Variants in SLC35D2 observed in about 807,000 individuals in gnomAD.
SLC35D2 encodes solute carrier family 35 member D2.
SLC35D2 carries 43 observed loss-of-function variants against 41.8 expected under a neutral mutation model. That is an observed-to-expected ratio of 1.03 (90% CI 0.81 to 1.33). The LOEUF is 1.33. SLC35D2 is among the 40% of genes most tolerant of loss of function. SLC35D2 has a pLI of 0.00. For synonymous variants in SLC35D2, 150 were observed against 163.9 expected (o/e 0.92, Z 0.65); for missense variants, 380 against 408.4 (o/e 0.93, Z 0.60).
In SLC35D2 at chr9:96,321,225, A is replaced by G. The variant is rs1828205822; in HGVS notation, c.*17T>C. On this transcript the variant is annotated 3_prime_UTR_variant, in exon 12 of 12. Coordinates refer to ENST00000253270, the MANE Select transcript of SLC35D2 (RefSeq NM_007001.3). The stretch of plus-strand genomic sequence containing the variant: ...GCCCGCAGTCACAAGTCAGTCTCCA[A>G]TCCTGCTGCAGACTCTTTAGCTCTT... The G allele has an allele frequency of 1.3e-6, 2 of 1,585,816 alleles. No individual in the cohort carries two copies. The highest frequency in any genetic ancestry group is 2.2e-5 in the South Asian group (2 of 90,078).
At chr9:96,315,884 T>C (rs536695346), downstream of SLC35D2, among the ~76,000 whole-genome samples, 1 of 152,322 alleles carries the variant, frequency 6.6e-6, no homozygotes, top group African/African-American at 2.4e-5. Context: ...ATTTTTAATG[T>C]GATGTACTGA....
At chr9:96,322,101 T>C (rs1302215566) in intron 10 of SLC35D2, 21 bp from the exon 11 acceptor site, 5 of 1,464,596 alleles carry the variant, frequency 3.4e-6, no homozygotes, top group Non-Finnish European at 4.7e-6. Context: ...AGAGAGAGGA[T>C]TCGTCATTTT....
At chr9:96,339,907 C>T (rs1032635264) in intron 8 of SLC35D2, among the ~76,000 whole-genome samples, 9 of 152,166 alleles carry the variant, frequency 5.9e-5, no homozygotes, top group African/African-American at 2.2e-4. Context: ...CACACATTTA[C>T]CACAATCTCT....
chr9:96,372,244 T>C (rs1197027727), intron 1 of SLC35D2, among the ~76,000 whole-genome samples: 1 of 152,200 alleles, frequency 6.6e-6, no homozygotes, highest in Non-Finnish European at 1.5e-5. Context: ...GATAAGTTAA[T>C]TGAGACTTCA....
At chr9:96,315,268 C>A (rs553769870) in intron 11 of SLC35D2, among the ~76,000 whole-genome samples, 1 of 141,812 alleles carries the variant, frequency 7.1e-6, no homozygotes, top group East Asian at 2.1e-4. Flanking sequence ...TACAGGCATG[C>A]GCCACCATGC....
At chr9:96,323,017 TTTTTC>T (rs1828326491) in intron 10 of SLC35D2, among the ~76,000 whole-genome samples, 1 of 146,334 alleles carries the variant, frequency 6.8e-6, no homozygotes, top group Non-Finnish European at 1.5e-5. Context: ...CTGTGCCTGG[TTTTTC>T]TTTTTTTTTT....
chr9:96,323,655 G>C (rs1828362235), intron 10 of SLC35D2, among the ~76,000 whole-genome samples: 1 of 152,056 alleles, frequency 6.6e-6, no homozygotes, highest in African/African-American at 2.4e-5. Context: ...GGCCGGGCTC[G>C]GTGGCTCACG....
intron 8 of SLC35D2, among the ~76,000 whole-genome samples, chr9:96,338,316 T>C (rs1564095915): frequency 1.3e-5 from 2 of 152,250 alleles, no homozygotes; most frequent in African/African-American, 4.8e-5. Context: ...TCTTCTCCAA[T>C]CTGTACCATC....
At position 96,358,482 on chromosome 9, in the gene SLC35D2, A is replaced by G. The variant is rs143339955; in HGVS notation, c.347+1672T>C. Among the ~76,000 whole-genome samples the G allele has an allele frequency of 1.4e-3, 220 of 152,298 alleles. 1 individual carries two copies. Among genetic ancestry groups the G allele is most frequent in the African/African-American group, 5.0e-3 (209 of 41,578 alleles). On this transcript the variant is annotated intron_variant, in intron 4 of 11. Coordinates refer to ENST00000253270, the MANE Select transcript of SLC35D2 (RefSeq NM_007001.3). ...AGATAAGCCACAAACTAGGAAAAAA[A>G]TATTTGCAAAACACATATTTGATAA...
At chr9:96,327,987 G>C (rs1415630358) in intron 9 of SLC35D2, among the ~76,000 whole-genome samples, 1 of 151,978 alleles carries the variant, frequency 6.6e-6, no homozygotes, top group Non-Finnish European at 1.5e-5. Flanking sequence ...CAGGCTCAAA[G>C]TAGCAGTATA....
intron 9 of SLC35D2, 46 bp downstream of exon 9, chr9:96,336,671 A>G: frequency 8.8e-7 from 1 of 1,138,204 alleles, no homozygotes; most frequent in South Asian, 1.3e-5. Flanking sequence ...TTGACTTGTC[A>G]AGAGATACTG....
chr9:96,320,522 A>T (rs1361626881), downstream of SLC35D2, among the ~76,000 whole-genome samples: 3 of 152,098 alleles, frequency 2.0e-5, no homozygotes, highest in Non-Finnish European at 2.9e-5. Context: ...TCTCAAAAAA[A>T]AAAAAAAAAT....
At chr9:96,346,877 C>T (rs1829600926) in intron 6 of SLC35D2, among the ~76,000 whole-genome samples, 1 of 151,858 alleles carries the variant, frequency 6.6e-6, no homozygotes, top group African/African-American at 2.4e-5. Context: ...TGGCTCCTGC[C>T]TGTAATCCCA....
At chr9:96,333,696 G>A (rs559398345) in intron 9 of SLC35D2, among the ~76,000 whole-genome samples, 8 of 151,684 alleles carry the variant, frequency 5.3e-5, no homozygotes, top group South Asian at 2.1e-4. Flanking sequence ...GAGGCTGCCC[G>A]CCCTCACCCA....
At chr9:96,321,947 G>C (rs763277423) in intron 11 of SLC35D2, 51 bp downstream of exon 11, 3 of 1,073,448 alleles carry the variant, frequency 2.8e-6, no homozygotes, top group Non-Finnish European at 4.3e-6. Context: ...TAATCAGAGT[G>C]TTTAAGGTTC....
intron 5 of SLC35D2, among the ~76,000 whole-genome samples, chr9:96,351,450 C>T (rs1829808860): frequency 6.6e-6 from 1 of 151,780 alleles, no homozygotes; most frequent in South Asian, 2.1e-4. Flanking sequence ...GCTGGTGGAT[C>T]TAGTTTGCAT....
At chr9:96,338,316 TC>T (rs112534157) in intron 8 of SLC35D2, among the ~76,000 whole-genome samples, 60 of 152,366 alleles carry the variant, frequency 3.9e-4, no homozygotes, top group African/African-American at 1.4e-3. Flanking sequence ...TCTTCTCCAA[TC>T]TGTACCATCT....
At chr9:96,351,832 C>T (rs1210719604) in intron 5 of SLC35D2, among the ~76,000 whole-genome samples, 2 of 152,068 alleles carry the variant, frequency 1.3e-5, no homozygotes, top group South Asian at 2.1e-4. Flanking sequence ...CACAAACATG[C>T]ATTATTTGTC....
At chr9:96,348,117 T>G (rs1402813776) in intron 6 of SLC35D2, among the ~76,000 whole-genome samples, 1 of 152,198 alleles carries the variant, frequency 6.6e-6, no homozygotes, top group Non-Finnish European at 1.5e-5. Flanking sequence ...CGCCCTGAAT[T>G]CTTTCTTCCA....
Sources: allele counts gnomAD v4.1 joint callset (sites outside exome capture counted in the v4.1 genomes callset), GRCh38; gene constraint gnomAD v4.1.1; transcripts MANE v1.5; gene names NCBI Gene and HGNC (gene_info 2026-07-23, HGNC 2026-07-21).